The following KATNBL1 variants were observed in gnomAD, a reference collection of about 807,000 sequenced individuals.
The protein encoded by KATNBL1 is katanin regulatory subunit B1 like 1, also known as KATNB1-like protein 1.
Under a neutral mutation model 44.7 loss-of-function variants are expected in KATNBL1, and 28 were observed. The observed-to-expected ratio is 0.63, with a 90% CI of 0.46 to 0.86. The LOEUF (loss-of-function observed/expected upper bound fraction) is 0.86, where lower values mean the gene tolerates loss of function less well. Among genes scored for constraint, KATNBL1 ranks in the 40% least tolerant of loss-of-function variants. The pLI is 0.00. For synonymous variants in KATNBL1, 78 were observed against 114.9 expected (o/e 0.68, Z 2.06); for missense variants, 272 against 350.7 (o/e 0.78, Z 1.79).
intron 1 of KATNBL1, among the ~76,000 whole-genome samples, chr15:34,190,925 T>C (rs1398717924): frequency 6.6e-6 from 1 of 152,070 alleles, no homozygotes; most frequent in African/African-American, 2.4e-5. Context: ...TTCTTTGGGA[T>C]AGATGACTCA....
At chr15:34,161,816 G>A (rs942711494) in intron 2 of KATNBL1, among the ~76,000 whole-genome samples, 5 of 152,122 alleles carry the variant, frequency 3.3e-5, no homozygotes, top group African/African-American at 1.2e-4. Flanking sequence ...CTAAATATGT[G>A]AGTATAAAGG....
chr15:34,154,868 T>C lies in KATNBL1; in HGVS notation c.118-184A>G, dbSNP rs541822679. ...GAGGAGAAGGGGTTCTTATCCCTAATGCAGCTAGTCCCTACTACTGTGTCA... is the reference window on the plus strand; with the variant it reads ...GAGGAGAAGGGGTTCTTATCCCTAACGCAGCTAGTCCCTACTACTGTGTCA... On this transcript the variant is annotated intron_variant, in intron 2 of 9. Transcript: ENST00000256544. 177 of 590,270 alleles carry C rather than the reference T, an allele frequency of 3.0e-4. 2 individuals are homozygous for C. Among genetic ancestry groups the C allele is most frequent in the African/African-American group, 2.9e-3 (156 of 53,560 alleles). 36.6% of individuals were successfully genotyped at this position (590,270 alleles called of 1,614,324 possible).
At chr15:34,159,258 G>A (rs953538236) in intron 2 of KATNBL1, among the ~76,000 whole-genome samples, 3 of 152,128 alleles carry the variant, frequency 2.0e-5, no homozygotes, top group Non-Finnish European at 4.4e-5. Context: ...ATGGGCTGCC[G>A]GTGGCCCCCG....
At chr15:34,142,434 A>AT (rs889958667) in intron 9 of KATNBL1, 63 bp from the exon 10 acceptor site, 1,285 of 1,454,774 alleles carry the variant, frequency 8.8e-4, no homozygotes, top group South Asian at 1.9e-3. Context: ...TAAACAATCC[A>AT]TTTTTTTTTG....
At chr15:34,161,347 G>C (rs1017466834) in intron 2 of KATNBL1, among the ~76,000 whole-genome samples, 7 of 152,146 alleles carry the variant, frequency 4.6e-5, no homozygotes. Flanking sequence ...CTTACACAAG[G>C]CCACCGCAAT....
At chr15:34,145,653 TA>T (rs146687820) in intron 8 of KATNBL1, 162 bp from the exon 9 acceptor site, 78,917 of 580,342 alleles carry the variant, frequency 0.14, 7,051 homozygotes, top group Middle Eastern at 0.28. Flanking sequence ...GGAGAGAAAT[TA>T]AAAAAAAATC....
At chr15:34,166,380 G>A (rs1216481088) in intron 1 of KATNBL1, among the ~76,000 whole-genome samples, 2 of 152,230 alleles carry the variant, frequency 1.3e-5, no homozygotes, top group South Asian at 2.1e-4. Context: ...AGCCTGGCAG[G>A]GGGAGGGGCG....
intron 1 of KATNBL1, among the ~76,000 whole-genome samples, chr15:34,178,334 C>G (rs1466795410): frequency 1.3e-5 from 2 of 152,176 alleles, no homozygotes; most frequent in African/African-American, 4.8e-5. Flanking sequence ...CTTCATCTAA[C>G]ATGGGTAACC....
At chr15:34,160,009 T>C (rs2140923330) in intron 2 of KATNBL1, among the ~76,000 whole-genome samples, 2 of 152,318 alleles carry the variant, frequency 1.3e-5, no homozygotes, top group East Asian at 3.9e-4. Flanking sequence ...CTTGTAAATT[T>C]ATCAAGGGCT....
At chr15:34,193,052 T>C (rs11852460) in intron 1 of KATNBL1, among the ~76,000 whole-genome samples, 49,538 of 150,052 alleles carry the variant, frequency 0.33, 8,644 homozygotes, top group African/African-American at 0.47. Flanking sequence ...CCCGCCTCTA[T>C]TAAAAATACA....
chr15:34,163,447 G>T, intron 2 of KATNBL1, 113 bp downstream of exon 2: 1 of 1,237,354 alleles, frequency 8.1e-7, no homozygotes, highest in African/African-American at 1.6e-5. Flanking sequence ...ACTTAATTCT[G>T]GGAGATTAAG....
chr15:34,143,430 A>G (rs1888210256), intron 9 of KATNBL1, among the ~76,000 whole-genome samples: 1 of 152,096 alleles, frequency 6.6e-6, no homozygotes, highest in African/African-American at 2.4e-5. Context: ...GTGCCACTGC[A>G]CTCCAGCCTG....
intron 1 of KATNBL1, among the ~76,000 whole-genome samples, chr15:34,177,502 AGCATG>A (rs1040514394): frequency 2.6e-5 from 4 of 151,678 alleles, no homozygotes; most frequent in Non-Finnish European, 4.4e-5. Context: ...AAACTAGCTG[AGCATG>A]GTGGTACACG....
intron 1 of KATNBL1, among the ~76,000 whole-genome samples, chr15:34,200,925 C>G (rs1362871138): frequency 6.6e-6 from 1 of 151,672 alleles, no homozygotes; most frequent in Middle Eastern, 3.4e-3. Context: ...CAAGCGATTC[C>G]CCTGCCTCAG....
chr15:34,189,113 C>A (rs1889804063), intron 1 of KATNBL1, among the ~76,000 whole-genome samples: 1 of 151,400 alleles, frequency 6.6e-6, no homozygotes, highest in Non-Finnish European at 1.5e-5. Flanking sequence ...TCACCACAAC[C>A]TCTGCCTCCC....
At chr15:34,183,431 G>A (rs75575797) in intron 1 of KATNBL1, among the ~76,000 whole-genome samples, 16,793 of 152,194 alleles carry the variant, frequency 0.11, 1,113 homozygotes, top group Non-Finnish European at 0.15. Context: ...AGACTCATCC[G>A]AATTTTTAAA....
At position 34,141,821 on chromosome 15, in the gene KATNBL1, C is replaced by CA. The variant is rs1888158007; in HGVS notation, c.*517dup. 4 of 150,754 alleles carry CA rather than the reference C, an allele frequency of 2.7e-5. No individual in the cohort carries two copies. The highest frequency in any genetic ancestry group is 4.2e-4 in the South Asian group (2 of 4,746). 9.3% of individuals were successfully genotyped at this position (150,754 alleles called of 1,614,324 possible). A position where few individuals can be genotyped will look rare whatever the true frequency, so the allele number is the denominator to read the frequency against. ...TACATACACAGTATCTCAGTGTGAACAAAAAATGTTTAATATTGATTTTTT... is the reference window on the plus strand; with the variant it reads ...TACATACACAGTATCTCAGTGTGAACAAAAAAATGTTTAATATTGATTTTTT... On this transcript the variant is annotated 3_prime_UTR_variant, in exon 10 of 10. Transcript: ENST00000256544.
At chr15:34,152,428 G>A (rs1486216990) in intron 4 of KATNBL1, among the ~76,000 whole-genome samples, 2 of 152,074 alleles carry the variant, frequency 1.3e-5, no homozygotes. Flanking sequence ...GGTCTCAAAC[G>A]CCTAACCTCG....
At chr15:34,168,966 A>C (rs975373560) in intron 1 of KATNBL1, among the ~76,000 whole-genome samples, 1 of 152,212 alleles carries the variant, frequency 6.6e-6, no homozygotes, top group Non-Finnish European at 1.5e-5. Context: ...TATGGCATTA[A>C]ATGCCCCCAA....
Sources: gnomAD v4.1 joint callset for allele counts (sites outside exome capture counted in the v4.1 genomes callset) on GRCh38, gnomAD v4.1.1 for gene constraint, MANE v1.5 for transcripts, NCBI Gene and HGNC (gene_info 2026-07-23, HGNC 2026-07-21) for gene names.